ATG4C: variants seen among roughly 807,000 people sequenced by gnomAD.
The protein encoded by ATG4C is cysteine protease ATG4C.
A neutral mutation model predicts 57.6 loss-of-function variants in ATG4C; 56 were observed. The ratio of observed to expected loss-of-function variants is 0.97; its 90% CI spans 0.78 to 1.21. The LOEUF (loss-of-function observed/expected upper bound fraction) is 1.21, where lower values mean the gene tolerates loss of function less well. Ranked by LOEUF, ATG4C falls within the 50% of genes most tolerant of loss-of-function variation. ATG4C has a pLI of 0.00. For missense variants in ATG4C, 595 were observed against 529.8 expected (o/e 1.12, Z -1.21); for synonymous variants, 157 against 174.1 (o/e 0.90, Z 0.78).
At chr1:62,791,401 A>G (rs1664270389) in intron 1 of ATG4C, among the ~76,000 whole-genome samples, 1 of 152,206 alleles carries the variant, frequency 6.6e-6, no homozygotes, top group Non-Finnish European at 1.5e-5. Flanking sequence ...AAATGGTCTT[A>G]TCCATTGTCG....
chr1:62,797,904 C>T (rs1418614924), intron 1 of ATG4C, among the ~76,000 whole-genome samples: 1 of 152,294 alleles, frequency 6.6e-6, no homozygotes, highest in South Asian at 2.1e-4. Context: ...ACTGCAACCT[C>T]CACCTCCTGG....
chr1:62,860,969 A>G (rs1002276988), intron 10 of ATG4C, among the ~76,000 whole-genome samples: 2 of 152,174 alleles, frequency 1.3e-5, no homozygotes, highest in African/African-American at 4.8e-5. Context: ...TTTCCTTTGT[A>G]AATTCTGAAA....
intron 6 of ATG4C, among the ~76,000 whole-genome samples, chr1:62,823,506 A>G (rs1016716903): frequency 6.6e-6 from 1 of 152,150 alleles, no homozygotes; most frequent in African/African-American, 2.4e-5. Context: ...TTTGGACTTT[A>G]GCTTGATTTC....
At chr1:62,785,537 A>G (rs956634648) in intron 1 of ATG4C, among the ~76,000 whole-genome samples, 7 of 152,188 alleles carry the variant, frequency 4.6e-5, no homozygotes, top group African/African-American at 1.7e-4. Context: ...AAGTATTTCT[A>G]GATGTTTTGA....
chr1:62,828,419 T>A (rs115912906), intron 6 of ATG4C, among the ~76,000 whole-genome samples: 1,934 of 152,322 alleles, frequency 0.013, 35 homozygotes, highest in African/African-American at 0.043. Flanking sequence ...GAGCTTTTTT[T>A]AATACGCTTA....
intron 3 of ATG4C, among the ~76,000 whole-genome samples, chr1:62,807,545 A>G (rs1246344103): frequency 6.6e-6 from 1 of 152,120 alleles, no homozygotes; most frequent in African/African-American, 2.4e-5. Context: ...TATCATGCCT[A>G]TGTGATGAAG....
In ATG4C at chr1:62,863,976, A is replaced by G; in HGVS notation, c.1210-16A>G. Reference sequence around the variant, plus strand: ...ATTGCATCCAATAAGGAATTCTTCTATACTTTCTGTTACAGATGCTGAAAT... The same window carrying G: ...ATTGCATCCAATAAGGAATTCTTCTGTACTTTCTGTTACAGATGCTGAAAT... On this transcript the variant is annotated splice_polypyrimidine_tract_variant and intron_variant, in intron 10 of 10. Transcript: ENST00000317868. 1 of 1,535,142 alleles carries G rather than the reference A, an allele frequency of 6.5e-7. No individual in the cohort carries two copies. Among genetic ancestry groups the G allele is most frequent in the Non-Finnish European group, 8.8e-7 (1 of 1,136,152 alleles).
chr1:62,786,910 T>C (rs958901919), intron 1 of ATG4C, among the ~76,000 whole-genome samples: 1 of 151,980 alleles, frequency 6.6e-6, no homozygotes, highest in African/African-American at 2.4e-5. Context: ...AGTGGCCCAA[T>C]TGAGAGATGG....
intron 10 of ATG4C, among the ~76,000 whole-genome samples, chr1:62,858,932 T>G (rs1174263898): frequency 1.3e-5 from 2 of 152,204 alleles, no homozygotes; most frequent in Non-Finnish European, 2.9e-5. Flanking sequence ...ATGTATACTC[T>G]TTTTTATATA....
chr1:62,795,772 T>C (rs1011801390), intron 1 of ATG4C, among the ~76,000 whole-genome samples: 1 of 151,744 alleles, frequency 6.6e-6, no homozygotes, highest in Non-Finnish European at 1.5e-5. Context: ...AAGTCTGCAG[T>C]GAACTATGAT....
chr1:62,848,680 A>G (rs1666400632), intron 10 of ATG4C, among the ~76,000 whole-genome samples: 1 of 152,190 alleles, frequency 6.6e-6, no homozygotes, highest in South Asian at 2.1e-4. Context: ...AGAAATAAAG[A>G]CATTCTCCTA....
intron 5 of ATG4C, among the ~76,000 whole-genome samples, chr1:62,819,727 GC>G (rs1269977390): frequency 6.6e-6 from 1 of 151,780 alleles, no homozygotes; most frequent in Non-Finnish European, 1.5e-5. Flanking sequence ...AATGTCAAGA[GC>G]TAAAATTGAT....
At chr1:62,797,828 CT>C (rs200518178) in intron 1 of ATG4C, among the ~76,000 whole-genome samples, 4 of 151,322 alleles carry the variant, frequency 2.6e-5, no homozygotes, top group Non-Finnish European at 5.9e-5. Flanking sequence ...AAAACCTTTT[CT>C]TTTTTTTTGA....
At chr1:62,806,104 G>A (rs988981199) in intron 3 of ATG4C, among the ~76,000 whole-genome samples, 10 of 152,226 alleles carry the variant, frequency 6.6e-5, no homozygotes, top group Admixed American at 5.2e-4. Flanking sequence ...CATTTATAAT[G>A]TGCCAAGCAG....
chr1:62,826,380 C>G (rs1379889157), intron 6 of ATG4C, among the ~76,000 whole-genome samples: 4 of 150,378 alleles, frequency 2.7e-5, no homozygotes, highest in African/African-American at 2.5e-5. Context: ...GAACTATAGG[C>G]GCCCGCCACC....
At chr1:62,826,912 C>T (rs1188202557) in intron 6 of ATG4C, among the ~76,000 whole-genome samples, 1 of 152,142 alleles carries the variant, frequency 6.6e-6, no homozygotes, top group Non-Finnish European at 1.5e-5. Context: ...TGGATAACTG[C>T]AGCGGCTTTG....
intron 1 of ATG4C, among the ~76,000 whole-genome samples, chr1:62,796,207 G>GTTTTTTTTTTTT (rs60552573): frequency 4.4e-5 from 4 of 91,198 alleles, no homozygotes; most frequent in East Asian, 3.3e-4. Context: ...ATTTGTGTGG[G>GTTTTTTTTTTTT]TTTTTTTTTT....
At chr1:62,785,396 G>T (rs1664051115) in intron 1 of ATG4C, 1 of 152,250 alleles carries the variant, frequency 6.6e-6, no homozygotes, top group South Asian at 2.1e-4. Flanking sequence ...AGAACCACAT[G>T]TCAAAAAGTG....
At chr1:62,848,973 T>C (rs953290233) in intron 10 of ATG4C, among the ~76,000 whole-genome samples, 1 of 152,232 alleles carries the variant, frequency 6.6e-6, no homozygotes, top group African/African-American at 2.4e-5. Context: ...TAGATTGTCC[T>C]CTCAATTTGG....
Sources: allele counts gnomAD v4.1 joint callset (sites outside exome capture counted in the v4.1 genomes callset), GRCh38; gene constraint gnomAD v4.1.1; transcripts MANE v1.5; gene names NCBI Gene and HGNC (gene_info 2026-07-23, HGNC 2026-07-21).